Variants in ZC3H11A observed in about 807,000 individuals in gnomAD.
ZC3H11A encodes zinc finger CCCH-type containing 11A.
Under a neutral mutation model 90.8 loss-of-function variants are expected in ZC3H11A, and 22 were observed. That is an observed-to-expected ratio of 0.24 (90% confidence interval 0.17 to 0.35). The LOEUF (loss-of-function observed/expected upper bound fraction) is 0.35, where lower values mean the gene tolerates loss of function less well. Ranked by LOEUF, ZC3H11A falls within the 10% of genes least tolerant of loss-of-function variation. The pLI is 1.00. For missense variants in ZC3H11A, 701 were observed against 964.9 expected (o/e 0.73, Z 3.62); for synonymous variants, 294 against 339.8 (o/e 0.87, Z 1.48).
At chr1:203,808,391 C>A (rs976576415) in intron 2 of ZC3H11A, among the ~76,000 whole-genome samples, 20 of 152,174 alleles carry the variant, frequency 1.3e-4, no homozygotes, top group Non-Finnish European at 2.9e-5. Context: ...CATTGGAATT[C>A]AAAAATTTTA....
intron 9 of ZC3H11A, among the ~76,000 whole-genome samples, chr1:203,832,020 C>T (rs1682541604): frequency 6.6e-6 from 1 of 152,144 alleles, no homozygotes; most frequent in South Asian, 2.1e-4. Context: ...TTATTGGCTT[C>T]CCATGTGACT....
At chr1:203,831,810 CT>C in intron 9 of ZC3H11A, 39 bp downstream of exon 9, 3 of 1,513,752 alleles carry the variant, frequency 2.0e-6, no homozygotes, top group Non-Finnish European at 2.7e-6. Context: ...CAAGCCTCTA[CT>C]TTTATATAAT....
At chr1:203,848,673 G>T (rs559174867) in intron 14 of ZC3H11A, among the ~76,000 whole-genome samples, 1 of 152,298 alleles carries the variant, frequency 6.6e-6, no homozygotes, top group East Asian at 1.9e-4. Context: ...GGATCACGAG[G>T]TCAGGAGATT....
chr1:203,839,570 T>A (rs896010955), intron 11 of ZC3H11A, among the ~76,000 whole-genome samples: 16 of 152,196 alleles, frequency 1.1e-4, no homozygotes, highest in African/African-American at 3.9e-4. Flanking sequence ...GTTTGGAGGT[T>A]TTCTTGCATT....
intron 2 of ZC3H11A, 96 bp downstream of exon 2, chr1:203,803,112 AT>A (rs1486867847): frequency 6.6e-6 from 1 of 152,372 alleles, no homozygotes; most frequent in African/African-American, 2.4e-5. Context: ...TTAAAAGGCC[AT>A]TGTTCAGACA....
At chr1:203,827,975 A>G (rs1407315024) in intron 4 of ZC3H11A, among the ~76,000 whole-genome samples, 8 of 152,244 alleles carry the variant, frequency 5.3e-5, no homozygotes, top group African/African-American at 1.9e-4. Context: ...GTAACATAAT[A>G]GAGATTCAGA....
At chr1:203,818,348 C>T (rs531931644) in intron 3 of ZC3H11A, among the ~76,000 whole-genome samples, 2 of 152,124 alleles carry the variant, frequency 1.3e-5, no homozygotes, top group East Asian at 3.9e-4. Flanking sequence ...CAGCTTGTGT[C>T]ACTCATGCCA....
intron 8 of ZC3H11A, among the ~76,000 whole-genome samples, chr1:203,830,814 GA>G (rs1407684829): frequency 6.9e-6 from 1 of 144,798 alleles, no homozygotes; most frequent in East Asian, 2.2e-4. Context: ...TCTCAAAAAA[GA>G]AAAAAAAGGA....
At chr1:203,808,990 C>G (rs935621057) in intron 2 of ZC3H11A, among the ~76,000 whole-genome samples, 2 of 151,784 alleles carry the variant, frequency 1.3e-5, no homozygotes, top group African/African-American at 4.8e-5. Flanking sequence ...GCCACCACGC[C>G]CAGCTAATTT....
rs972097111 is a variant in ZC3H11A, at chr1:203,797,344, C to T, written c.-1588+1550C>T. 4 of 557,746 alleles carry T rather than the reference C, an allele frequency of 7.2e-6. No homozygotes were observed. In the Admixed American group the frequency reaches 1.5e-4, roughly 21 times the overall value. 34.5% of individuals were successfully genotyped at this position (557,746 alleles called of 1,614,324 possible). A position where few individuals can be genotyped will look rare whatever the true frequency, so the allele number is the denominator to read the frequency against. ...TAAGAAAGAGTTCGGGAATGTTCTC[C>T]ATTGCTGTCAGTTTTCCTCCAAAAA... is the stretch of plus-strand genomic sequence containing the variant. On this transcript the variant is annotated intron_variant, in intron 1 of 17. Transcript: ENST00000367210.
At chr1:203,796,056 G>A (rs1239491403) in intron 1 of ZC3H11A, 1 of 24,608 alleles carries the variant, frequency 4.1e-5, no homozygotes, top group East Asian at 1.1e-3. Flanking sequence ...CCACCCCCAC[G>A]GCGCCTGCTC....
chr1:203,834,655 T>C (rs760438515), intron 10 of ZC3H11A, among the ~76,000 whole-genome samples: 6 of 152,282 alleles, frequency 3.9e-5, no homozygotes, highest in Admixed American at 2.0e-4. Context: ...CAAAAAATTA[T>C]TATTATCATT....
chr1:203,835,824 A>T (rs1684139914), intron 10 of ZC3H11A: 1 of 238,806 alleles, frequency 4.2e-6, no homozygotes, highest in Non-Finnish European at 9.4e-6. Context: ...AACACCTTCA[A>T]TTTTAAGAAA....
chr1:203,821,998 C>T (rs1471290055), intron 4 of ZC3H11A, among the ~76,000 whole-genome samples: 1 of 152,076 alleles, frequency 6.6e-6, no homozygotes, highest in Admixed American at 6.6e-5. Context: ...ACCTCGTGAT[C>T]CGCCCGCCTT....
rs760183077 is a variant in ZC3H11A, at chr1:203,837,967, C to T, written c.876C>T (p.Gly292=). ...AAACTAAGTTCTCCCTCTTTATAGGCGGTGACAGTGATCCTCCATTAAAGC... is the reference window on the plus strand; with the variant it reads ...AAACTAAGTTCTCCCTCTTTATAGGTGGTGACAGTGATCCTCCATTAAAGC... ...ERLGKRKFSA[G]GDSDPPLKRS... is the part of the protein sequence containing the mutation. The change falls in exon 11 of 18, where the codon GGC becomes GGT. Residue 292 remains glycine, a splice_region_variant and synonymous_variant. Coordinates refer to ENST00000367210, the MANE Select transcript of ZC3H11A (RefSeq NM_001376342.1). The T allele has an allele frequency of 1.5e-5, 24 of 1,611,738 alleles. No homozygotes were observed. The highest frequency in any genetic ancestry group is 1.7e-5 in the Non-Finnish European group (20 of 1,179,386).
At chr1:203,827,246 T>C (rs1200084602) in intron 4 of ZC3H11A, among the ~76,000 whole-genome samples, 2 of 152,218 alleles carry the variant, frequency 1.3e-5, no homozygotes, top group Non-Finnish European at 2.9e-5. Flanking sequence ...AATATTGCTG[T>C]GAACATTGCT....
chr1:203,841,648 C>T (rs1431805696), intron 12 of ZC3H11A, among the ~76,000 whole-genome samples: 1 of 152,214 alleles, frequency 6.6e-6, no homozygotes, highest in Non-Finnish European at 1.5e-5. Flanking sequence ...CATCATGGCC[C>T]GTTCTCAATG....
Position 203,831,800 on chromosome 1 carries a change from C to A in ZC3H11A, c.811+29C>A, listed in dbSNP as rs762519776. On this transcript the variant is annotated intron_variant, in intron 9 of 17. Transcript: ENST00000367210. Reference sequence around the variant, plus strand: ...AGGTATAGATAGGTCTTAGAGTTGTCAAGCCTCTACTTTTATATAATTGGG... The same window carrying A: ...AGGTATAGATAGGTCTTAGAGTTGTAAAGCCTCTACTTTTATATAATTGGG... 5 of 1,544,012 alleles carry A rather than the reference C, an allele frequency of 3.2e-6. No individual in the cohort carries two copies. The East Asian group carries it at 9.1e-5, about 28-fold the overall frequency.
chr1:203,815,219 T>TTCTTTCC (rs575430164), intron 2 of ZC3H11A, among the ~76,000 whole-genome samples: 1 of 129,618 alleles, frequency 7.7e-6, no homozygotes, highest in Non-Finnish European at 1.6e-5. Context: ...TTCTTTTCTT[T>TTCTTTCC]TTTTTTTTTT....
Sources: gnomAD v4.1 joint callset for allele counts (sites outside exome capture counted in the v4.1 genomes callset) on GRCh38, gnomAD v4.1.1 for gene constraint, MANE v1.5 for transcripts, NCBI Gene and HGNC (gene_info 2026-07-23, HGNC 2026-07-21) for gene names.